Variants in DSCAML1 observed in about 807,000 individuals in gnomAD.
DSCAML1 encodes the protein cell adhesion molecule DSCAML1.
DSCAML1 carries 38 observed loss-of-function variants against 200.5 expected under a neutral mutation model. The ratio of observed to expected loss-of-function variants is 0.19; its 90% CI spans 0.15 to 0.25. The LOEUF (loss-of-function observed/expected upper bound fraction) is 0.25. DSCAML1 is among the 10% of genes least tolerant of loss of function. The pLI is 1.00. For synonymous variants in DSCAML1, 1,215 were observed against 1,165.0 expected, an observed-to-expected ratio of 1.04 and a Z score of -0.87; for missense variants, 2,223 against 2,858.8, an observed-to-expected ratio of 0.78 and a Z score of 5.07.
intron 21 of DSCAML1, among the ~76,000 whole-genome samples, chr11:117,442,781 G>A (rs1159235458): frequency 6.6e-6 from 1 of 152,278 alleles, no homozygotes; most frequent in African/African-American, 2.4e-5. Context: ...GGTGGTAGGG[G>A]TTAGGGGGTG....
intron 4 of DSCAML1, among the ~76,000 whole-genome samples, chr11:117,531,959 G>A (rs1208239358): frequency 7.9e-6 from 1 of 127,264 alleles, no homozygotes; most frequent in African/African-American, 2.9e-5. Context: ...AGGGAGGGAG[G>A]GAGGGAGGGA....
In DSCAML1 at chr11:117,787,986, C is replaced by T. The variant is rs531771182; in HGVS notation, c.47-7176G>A. 5.3e-5 allele frequency among the ~76,000 whole-genome samples: 8 copies of T among 152,266 alleles called. No homozygotes were observed. The East Asian group carries it at 7.7e-4, about 15-fold the overall frequency. On this transcript the variant is annotated intron_variant, in intron 1 of 32. Coordinates refer to ENST00000651296, the MANE Select transcript of DSCAML1 (RefSeq NM_020693.4). Reference sequence around the variant, plus strand: ...TCAACCAGTAGGGTGATCCTCCCACCGGCTCACCCACCAAGTCCATTCAAA... The same window carrying T: ...TCAACCAGTAGGGTGATCCTCCCACTGGCTCACCCACCAAGTCCATTCAAA...
At chr11:117,724,033 C>A (rs2054081302) in intron 3 of DSCAML1, among the ~76,000 whole-genome samples, 3 of 152,232 alleles carry the variant, frequency 2.0e-5, no homozygotes, top group Non-Finnish European at 4.4e-5. Context: ...ATTACACTAG[C>A]TGCACTTAGA....
intron 3 of DSCAML1, among the ~76,000 whole-genome samples, chr11:117,747,516 CATGA>C: frequency 6.6e-6 from 1 of 152,284 alleles, no homozygotes; most frequent in East Asian, 1.9e-4. Flanking sequence ...GGGAGTTACA[CATGA>C]CTCCATGAAA....
chr11:117,675,201 A>G (rs1230482004), intron 3 of DSCAML1, among the ~76,000 whole-genome samples: 1 of 152,258 alleles, frequency 6.6e-6, no homozygotes, highest in African/African-American at 2.4e-5. Flanking sequence ...AATTCTACTC[A>G]GGGATAGTCT....
At chr11:117,428,838 T>A (rs559184518) in intron 32 of DSCAML1, 35 bp from the exon 33 acceptor site, 20 of 1,534,286 alleles carry the variant, frequency 1.3e-5, no homozygotes, top group Non-Finnish European at 1.6e-5. Flanking sequence ...TTACAGAGAG[T>A]CATAGCCCTC....
chr11:117,582,682 G>A (rs776107012), intron 3 of DSCAML1, among the ~76,000 whole-genome samples: 3 of 152,228 alleles, frequency 2.0e-5, no homozygotes, highest in Admixed American at 6.5e-5. Context: ...GGGAATATCC[G>A]CAGGGCCCTG....
chr11:117,644,240 T>A (rs969786636), intron 3 of DSCAML1, among the ~76,000 whole-genome samples: 1 of 152,112 alleles, frequency 6.6e-6, no homozygotes, highest in Non-Finnish European at 1.5e-5. Flanking sequence ...ATCCAAAGCC[T>A]CCTCCGAGGA....
intron 4 of DSCAML1, among the ~76,000 whole-genome samples, chr11:117,528,616 G>A (rs960539722): frequency 1.3e-5 from 2 of 152,302 alleles, no homozygotes; most frequent in African/African-American, 4.8e-5. Flanking sequence ...GCTGTGGTTA[G>A]GTGGTTAGGG....
chr11:117,465,746 A>C, intron 16 of DSCAML1, among the ~76,000 whole-genome samples: 1 of 16,018 alleles, frequency 6.2e-5, no homozygotes, highest in African/African-American at 7.3e-4. Flanking sequence ...TACATATTGA[A>C]TGAATGAATG....
At chr11:117,609,011 CAAA>C (rs2051630160) in intron 3 of DSCAML1, among the ~76,000 whole-genome samples, 1 of 109,810 alleles carries the variant, frequency 9.1e-6, no homozygotes, top group Non-Finnish European at 1.9e-5. Context: ...TGCAAACAAA[CAAA>C]CAAACAAACA....
intron 3 of DSCAML1, among the ~76,000 whole-genome samples, chr11:117,736,249 G>A (rs906767541): frequency 3.9e-5 from 6 of 152,148 alleles, no homozygotes; most frequent in Non-Finnish European, 7.3e-5. Context: ...GAGAATTTGC[G>A]TCCAGCTTAC....
chr11:117,501,417 C>T (rs540429215), intron 11 of DSCAML1, among the ~76,000 whole-genome samples: 5 of 152,174 alleles, frequency 3.3e-5, no homozygotes, highest in African/African-American at 7.2e-5. Context: ...CAGATTCACG[C>T]AGGCTGCTAC....
chr11:117,542,329 CAAA>C (rs1268633783), intron 3 of DSCAML1, among the ~76,000 whole-genome samples: 2,384 of 115,902 alleles, frequency 0.021, 59 homozygotes, highest in African/African-American at 0.071. Flanking sequence ...AAACAAAACA[CAAA>C]AACAACAACA....
intron 3 of DSCAML1, among the ~76,000 whole-genome samples, chr11:117,598,052 T>C (rs2051396091): frequency 6.6e-6 from 1 of 152,180 alleles, no homozygotes. Flanking sequence ...TTATTGGTCA[T>C]TTAATTGTTT....
chr11:117,702,493 A>T (rs1432882204), intron 3 of DSCAML1, among the ~76,000 whole-genome samples: 4 of 151,636 alleles, frequency 2.6e-5, no homozygotes, highest in African/African-American at 9.7e-5. Flanking sequence ...TTTGATCTAG[A>T]CCCTCCTTGA....
chr11:117,661,108 T>C (rs1158189886), intron 3 of DSCAML1, among the ~76,000 whole-genome samples: 1 of 152,078 alleles, frequency 6.6e-6, no homozygotes, highest in African/African-American at 2.4e-5. Flanking sequence ...AGGTGAGGGG[T>C]CCTGCCTGGT....
At chr11:117,648,179 G>C (rs530823572) in intron 3 of DSCAML1, among the ~76,000 whole-genome samples, 10 of 152,318 alleles carry the variant, frequency 6.6e-5, no homozygotes, top group African/African-American at 2.4e-4. Context: ...ATCTCAGAGG[G>C]GGGCCTCAGT....
At chr11:117,466,297 C>A (rs555056626) in intron 16 of DSCAML1, among the ~76,000 whole-genome samples, 11 of 152,312 alleles carry the variant, frequency 7.2e-5, no homozygotes, top group Admixed American at 2.0e-4. Context: ...TCCGTCACAG[C>A]GCGGATGAAC....
Sources: allele counts gnomAD v4.1 joint callset (sites outside exome capture counted in the v4.1 genomes callset), GRCh38; gene constraint gnomAD v4.1.1; transcripts MANE v1.5; gene names NCBI Gene and HGNC (gene_info 2026-07-23, HGNC 2026-07-21).